Variants in DSCAML1 observed in about 807,000 individuals in gnomAD.
DSCAML1 encodes the protein cell adhesion molecule DSCAML1.
DSCAML1 carries 38 observed loss-of-function variants against 200.5 expected under a neutral mutation model. That is an observed-to-expected ratio of 0.19 (90% CI 0.15 to 0.25). DSCAML1 has a LOEUF of 0.25. DSCAML1 is among the 10% of genes least tolerant of loss of function. The probability of loss-of-function intolerance (pLI) is 1.00; values close to 1 mark genes in which losing one functional copy is unlikely to be tolerated. For synonymous variants in DSCAML1, 1,215 were observed against 1,165.0 expected, an observed-to-expected ratio of 1.04 and a Z score of -0.87; for missense variants, 2,223 against 2,858.8, an observed-to-expected ratio of 0.78 and a Z score of 5.07.
chr11:117,569,377 A>G (rs777367271), intron 3 of DSCAML1, among the ~76,000 whole-genome samples: 1 of 152,242 alleles, frequency 6.6e-6, no homozygotes, highest in Non-Finnish European at 1.5e-5. Flanking sequence ...AATGGGATCT[A>G]ATTAAACTAA....
At chr11:117,803,860 G>A (rs983496957) in intron 1 of DSCAML1, among the ~76,000 whole-genome samples, 3 of 152,250 alleles carry the variant, frequency 2.0e-5, no homozygotes, top group Non-Finnish European at 2.9e-5. Context: ...GATGATGAAA[G>A]TTCTCTTCCT....
chr11:117,728,156 A>G (rs755633368), intron 3 of DSCAML1, among the ~76,000 whole-genome samples: 3 of 152,256 alleles, frequency 2.0e-5, no homozygotes, highest in Non-Finnish European at 4.4e-5. Flanking sequence ...AATACAACAC[A>G]TCCATAGAAT....
At chr11:117,627,587 C>T (rs950010169) in intron 3 of DSCAML1, among the ~76,000 whole-genome samples, 6 of 152,114 alleles carry the variant, frequency 3.9e-5, no homozygotes, top group Admixed American at 6.5e-5. Flanking sequence ...ATGTAAAGCC[C>T]GTCTGCTGCC....
chr11:117,671,581 C>G (rs2053108127), intron 3 of DSCAML1, among the ~76,000 whole-genome samples: 1 of 152,200 alleles, frequency 6.6e-6, no homozygotes, highest in South Asian at 2.1e-4. Flanking sequence ...GTCTCAGAGT[C>G]ACATCAGGGG....
intron 3 of DSCAML1, among the ~76,000 whole-genome samples, chr11:117,562,269 C>A (rs1030130823): frequency 6.6e-6 from 1 of 152,162 alleles, no homozygotes; most frequent in Non-Finnish European, 1.5e-5. Context: ...AAGGGAGCCC[C>A]CCAAGCCTCT....
rs573777892 is a variant in DSCAML1, at chr11:117,581,590, A to G, written c.512-49068T>C. ...AGTCTGGCTTCTTTCACTTAGTACA[A>G]TGCATCTGAACATTAAGCATTGTGA... On this transcript the variant is annotated intron_variant, in intron 3 of 32. Transcript: ENST00000651296. 1.3e-4 allele frequency among the ~76,000 whole-genome samples: 20 copies of G among 152,316 alleles called. No individual in the cohort carries two copies. The South Asian group carries it at 1.7e-3, about 13-fold the overall frequency.
At chr11:117,625,966 G>A (rs918570388) in intron 3 of DSCAML1, among the ~76,000 whole-genome samples, 4 of 152,228 alleles carry the variant, frequency 2.6e-5, no homozygotes, top group African/African-American at 9.6e-5. Flanking sequence ...TCCCATGCCT[G>A]TGGGCATGGT....
At chr11:117,659,237 G>A (rs987105437) in intron 3 of DSCAML1, among the ~76,000 whole-genome samples, 1 of 152,252 alleles carries the variant, frequency 6.6e-6, no homozygotes, top group Admixed American at 6.5e-5. Context: ...CAATGGAACA[G>A]AAGAAGCTCC....
At chr11:117,777,774 C>T (rs1591499643) in intron 2 of DSCAML1, among the ~76,000 whole-genome samples, 1 of 152,276 alleles carries the variant, frequency 6.6e-6, no homozygotes, top group Middle Eastern at 3.4e-3. Flanking sequence ...TTGCCAACTG[C>T]AGCCGCTGTA....
chr11:117,496,343 T>A (rs986886101), intron 11 of DSCAML1, among the ~76,000 whole-genome samples: 3 of 152,188 alleles, frequency 2.0e-5, no homozygotes, highest in Admixed American at 2.0e-4. Flanking sequence ...ATTACTTGGC[T>A]CATCCAACAA....
At chr11:117,777,346 C>T (rs1229330789) in intron 2 of DSCAML1, among the ~76,000 whole-genome samples, 3 of 152,186 alleles carry the variant, frequency 2.0e-5, no homozygotes, top group Non-Finnish European at 4.4e-5. Context: ...CTAGAATTCC[C>T]CTAAGAAAAC....
chr11:117,550,708 A>T (rs543775065), intron 3 of DSCAML1, among the ~76,000 whole-genome samples: 1 of 152,264 alleles, frequency 6.6e-6, no homozygotes, highest in South Asian at 2.1e-4. Context: ...CCTCCCCAGC[A>T]CACTTGGAAT....
At chr11:117,434,082 C>A (rs146925446) in intron 27 of DSCAML1, among the ~76,000 whole-genome samples, 1 of 152,174 alleles carries the variant, frequency 6.6e-6, no homozygotes, top group South Asian at 2.1e-4. Flanking sequence ...ATTTATTAGA[C>A]CCCTGATACC....
chr11:117,580,515 A>G (rs2051019732), intron 3 of DSCAML1, among the ~76,000 whole-genome samples: 1 of 152,254 alleles, frequency 6.6e-6, no homozygotes, highest in Non-Finnish European at 1.5e-5. Flanking sequence ...ATTTTGTGAT[A>G]TGTAAATGAG....
At chr11:117,539,912 T>G (rs1213948712) in intron 3 of DSCAML1, among the ~76,000 whole-genome samples, 1 of 152,234 alleles carries the variant, frequency 6.6e-6, no homozygotes, top group Non-Finnish European at 1.5e-5. Flanking sequence ...CGACATGTGA[T>G]ATATACATAC....
At chr11:117,676,419 G>T (rs1394791162) in intron 3 of DSCAML1, among the ~76,000 whole-genome samples, 1 of 152,182 alleles carries the variant, frequency 6.6e-6, no homozygotes, top group Non-Finnish European at 1.5e-5. Flanking sequence ...CACCTGTGGG[G>T]CATGCGAGTG....
At chr11:117,742,087 G>A (rs1034538871) in intron 3 of DSCAML1, among the ~76,000 whole-genome samples, 1 of 152,178 alleles carries the variant, frequency 6.6e-6, no homozygotes, top group Non-Finnish European at 1.5e-5. Flanking sequence ...CCCATTGCTA[G>A]ATGACAGATG....
At chr11:117,539,792 C>T (rs2509006) in intron 3 of DSCAML1, among the ~76,000 whole-genome samples, 82,462 of 151,726 alleles carry the variant, frequency 0.54, 22,968 homozygotes, top group African/African-American at 0.66. Flanking sequence ...TCCAAAAGAA[C>T]TGAAAGCAGG....
intron 3 of DSCAML1, among the ~76,000 whole-genome samples, chr11:117,546,534 C>T (rs565895148): frequency 3.3e-5 from 5 of 152,236 alleles, no homozygotes; most frequent in African/African-American, 1.2e-4. Context: ...TAACTGCCCA[C>T]AGACTGGTCT....
Sources: gnomAD v4.1 joint callset for allele counts (sites outside exome capture counted in the v4.1 genomes callset) on GRCh38, gnomAD v4.1.1 for gene constraint, MANE v1.5 for transcripts, NCBI Gene and HGNC (gene_info 2026-07-23, HGNC 2026-07-21) for gene names.